The following SLC13A1 variants were observed in gnomAD, a reference collection of about 807,000 sequenced individuals.
The protein encoded by SLC13A1 is Na(+)/sulfate cotransporter.
SLC13A1 carries 65 observed loss-of-function variants against 70.0 expected under a neutral mutation model. The ratio of observed to expected loss-of-function variants is 0.93; its 90% CI spans 0.76 to 1.14. SLC13A1 has a LOEUF of 1.14. SLC13A1 is among the 50% of genes most tolerant of loss of function. The pLI is 0.00. For missense variants in SLC13A1, 726 were observed against 717.8 expected (o/e 1.01, Z -0.13); for synonymous variants, 275 against 250.5 (o/e 1.10, Z -0.92).
At position 123,117,621 on chromosome 7, in the gene SLC13A1, A is replaced by T. The variant is rs748049042; in HGVS notation, c.1513-13T>A. 3.2e-6 allele frequency: 5 copies of T among 1,550,408 alleles called. No individual in the cohort carries two copies. The Admixed American group carries it at 7.5e-5, about 23-fold the overall frequency. ...GAATGGCTTCGGCCTGTTGTAAGAG[A>T]TAAAAAAGAGTCTAAGTAAAATTTT... On this transcript the variant is annotated splice_polypyrimidine_tract_variant and intron_variant, in intron 13 of 14. Transcript: ENST00000194130.
intron 7 of SLC13A1, among the ~76,000 whole-genome samples, chr7:123,139,706 T>G (rs1018848060): frequency 6.6e-6 from 1 of 152,120 alleles, no homozygotes; most frequent in Admixed American, 6.5e-5. Context: ...TGATTTCTTT[T>G]TCTGATTATT....
chr7:123,121,775 A>T (rs1448684577), intron 12 of SLC13A1, among the ~76,000 whole-genome samples: 1 of 152,154 alleles, frequency 6.6e-6, no homozygotes, highest in East Asian at 1.9e-4. Context: ...TCTGTTCCCA[A>T]CTAGAAAGAG....
Position 123,168,383 on chromosome 7 carries a change from C to G in SLC13A1, c.651G>C (p.Glu217Asp), listed in dbSNP as rs1294105293. Residue 217 changes from glutamate to aspartate, a missense_variant, in exon 6 of 15, where the codon GAG (glutamate) becomes GAC (aspartate). Coordinates refer to ENST00000194130, the MANE Select transcript of SLC13A1 (RefSeq NM_022444.4). ...NDTGKISSKV[E>D]LEKNSGMRTK... ...AATCAAATTTATGTACCTTTTCCAACTCCACCTTGCTTGAAATTTTCCCTG... is the reference window on the plus strand; with the variant it reads ...AATCAAATTTATGTACCTTTTCCAAGTCCACCTTGCTTGAAATTTTCCCTG... 6.3e-7 allele frequency: 1 copy of G among 1,578,642 alleles called. No individual in the cohort carries two copies. The highest frequency in any genetic ancestry group is 1.3e-5 in the African/African-American group (1 of 74,254).
intron 6 of SLC13A1, among the ~76,000 whole-genome samples, chr7:123,152,080 T>C (rs1012790980): frequency 6.6e-5 from 10 of 152,252 alleles, no homozygotes; most frequent in South Asian, 4.1e-4. Flanking sequence ...TAAACACTTA[T>C]TATCTTTTGT....
Position 123,180,997 on chromosome 7 carries a change from C to A in SLC13A1, c.204G>T (p.Met68Ile). ...CCTTCTTAGAAGGCATGATCCCAAACATGGGTAACATTAAACTAGGTAGCA... is the reference window on the plus strand; with the variant it reads ...CCTTCTTAGAAGGCATGATCCCAAAAATGGGTAACATTAAACTAGGTAGCA... ...TALLPSLMLP[M>I]FGIMPSKKVA... The change falls in exon 2 of 15, where the codon ATG becomes ATT. Residue 68 changes from methionine to isoleucine, a missense_variant. By Grantham distance (10) the Met-to-Ile change is conservative. Coordinates refer to ENST00000194130, the MANE Select transcript of SLC13A1 (RefSeq NM_022444.4). 6.2e-7 allele frequency: 1 copy of A among 1,612,264 alleles called. No individual in the cohort carries two copies. The highest frequency in any genetic ancestry group is 2.2e-5 in the East Asian group (1 of 44,818).
chr7:123,178,306 A>T (rs1336575053), intron 2 of SLC13A1, among the ~76,000 whole-genome samples: 1 of 152,078 alleles, frequency 6.6e-6, no homozygotes, highest in African/African-American at 2.4e-5. Flanking sequence ...ATGGCCAAAG[A>T]GAGAGGTGTT....
At chr7:123,156,324 C>T (rs886420745) in intron 6 of SLC13A1, among the ~76,000 whole-genome samples, 8 of 152,086 alleles carry the variant, frequency 5.3e-5, no homozygotes, top group African/African-American at 1.7e-4. Flanking sequence ...AAAGTGGTAA[C>T]AAATGGGCCT....
intron 6 of SLC13A1, among the ~76,000 whole-genome samples, chr7:123,150,308 TA>T (rs1419430489): frequency 6.6e-6 from 1 of 152,156 alleles, no homozygotes; most frequent in Non-Finnish European, 1.5e-5. Flanking sequence ...TGTAGAAACC[TA>T]CTTGCATTTG....
At position 123,129,377 on chromosome 7, in the gene SLC13A1, TCTTAC is replaced by T. The variant is rs1188362118; in HGVS notation, c.1031+1_1031+5del. 2 of 1,469,766 alleles carry T rather than the reference TCTTAC, an allele frequency of 1.4e-6. No individual in the cohort carries two copies. The highest frequency in any genetic ancestry group is 2.9e-5 in the African/African-American group (2 of 70,104). 91.0% of individuals were successfully genotyped at this position (1,469,766 alleles called of 1,614,324 possible). A position where few individuals can be genotyped will look rare whatever the true frequency, so the allele number is the denominator to read the frequency against. On this transcript the variant is annotated splice_donor_variant and splice_donor_5th_base_variant and intron_variant, in intron 9 of 14. Coordinates refer to ENST00000194130, the MANE Select transcript of SLC13A1 (RefSeq NM_022444.4). LOFTEE classifies it high-confidence loss of function. ...GTGTGTGTGTGTGTGTGTGTGTTTG[TCTTAC>T]CTTATTGGCCCAAGCTTTTGGTATT...
intron 6 of SLC13A1, among the ~76,000 whole-genome samples, chr7:123,161,855 C>A (rs913485075): frequency 6.6e-6 from 1 of 152,152 alleles, no homozygotes; most frequent in East Asian, 1.9e-4. Context: ...AAGAGATAGG[C>A]TCGTGTAGAT....
intron 4 of SLC13A1, 52 bp from the exon 5 acceptor site, chr7:123,168,613 G>A (rs771428678): frequency 1.3e-5 from 19 of 1,409,686 alleles, no homozygotes; most frequent in African/African-American, 2.9e-5. Flanking sequence ...ATTATCATTG[G>A]GTTTGCCTGT....
At chr7:123,178,161 C>A (rs938506566) in intron 2 of SLC13A1, among the ~76,000 whole-genome samples, 1 of 151,708 alleles carries the variant, frequency 6.6e-6, no homozygotes, top group Non-Finnish European at 1.5e-5. Flanking sequence ...ACTCTAAATA[C>A]TTTAGATTTC....
At chr7:123,130,396 A>G (rs1413528282) in intron 8 of SLC13A1, among the ~76,000 whole-genome samples, 1 of 152,212 alleles carries the variant, frequency 6.6e-6, no homozygotes, top group Non-Finnish European at 1.5e-5. Context: ...AACAAGGAAC[A>G]AGATCATGTC....
At chr7:123,180,947 C>T (rs747056310) in intron 2 of SLC13A1, 26 bp downstream of exon 2, 8 of 1,595,866 alleles carry the variant, frequency 5.0e-6, no homozygotes, top group East Asian at 2.2e-5. Flanking sequence ...AGGAAATCAA[C>T]TTATGACATT....
At chr7:123,198,312 G>T (rs1001027560) in intron 1 of SLC13A1, among the ~76,000 whole-genome samples, 1 of 151,946 alleles carries the variant, frequency 6.6e-6, no homozygotes, top group Non-Finnish European at 1.5e-5. Context: ...GGAGTGGCAG[G>T]GTGGGAGGGA....
chr7:123,199,809 G>C, intron 1 of SLC13A1, 39 bp downstream of exon 1: 16 of 1,441,128 alleles, frequency 1.1e-5, no homozygotes, highest in Non-Finnish European at 1.6e-5. Context: ...AATTAAATAA[G>C]TCAGGAAATC....
In SLC13A1 at chr7:123,195,488, C is replaced by A. The variant is rs578070587; in HGVS notation, c.99+4360G>T. ...ATTATCTCCTACTCATTTTCATTTT[C>A]TTTGACCAACTTCTCGACCTACCAC... On this transcript the variant is annotated intron_variant, in intron 1 of 14. Coordinates refer to ENST00000194130, the MANE Select transcript of SLC13A1 (RefSeq NM_022444.4). Among the ~76,000 whole-genome samples the A allele has an allele frequency of 1.3e-5, 2 of 151,842 alleles. 1 individual carries two copies. Among genetic ancestry groups the A allele is most frequent in the African/African-American group, 4.8e-5 (2 of 41,470 alleles).
At chr7:123,125,425 T>C (rs1275063736) in intron 11 of SLC13A1, 144 bp downstream of exon 11, 1 of 614,392 alleles carries the variant, frequency 1.6e-6, no homozygotes, top group Non-Finnish European at 2.9e-6. Context: ...AAGACAGCAT[T>C]GCAGTTTGCA....
At position 123,129,358 on chromosome 7, in the gene SLC13A1, GTGTGTGTGTGTGTGTT is replaced by G. The variant is rs780817464; in HGVS notation, c.1031+9_1031+24del. Reference sequence around the variant, plus strand: ...TGTGTGTGTGTGTGTGTGTGTGTGTGTGTGTGTGTGTGTGTTTGTCTTACCTTATTGGCCCAAGCTT... The same window carrying G: ...TGTGTGTGTGTGTGTGTGTGTGTGTGTGTCTTACCTTATTGGCCCAAGCTT... On this transcript the variant is annotated intron_variant, in intron 9 of 14. Transcript: ENST00000194130. The G allele has an allele frequency of 1.0e-6, 1 of 993,034 alleles. No individual in the cohort carries two copies. Among genetic ancestry groups the G allele is most frequent in the Non-Finnish European group, 1.5e-6 (1 of 669,408 alleles). 61.5% of individuals were successfully genotyped at this position (993,034 alleles called of 1,614,324 possible). A position where few individuals can be genotyped will look rare whatever the true frequency, so the allele number is the denominator to read the frequency against.
Sources: gnomAD v4.1 joint callset for allele counts (sites outside exome capture counted in the v4.1 genomes callset) on GRCh38, gnomAD v4.1.1 for gene constraint, MANE v1.5 for transcripts, NCBI Gene and HGNC (gene_info 2026-07-23, HGNC 2026-07-21) for gene names.